The following DPP10 variants were observed in gnomAD, a reference collection of about 807,000 sequenced individuals.
DPP10 encodes the protein inactive dipeptidyl peptidase 10.
Under a neutral mutation model 120.9 loss-of-function variants are expected in DPP10, and 33 were observed. That is an observed-to-expected ratio of 0.27 (90% CI 0.21 to 0.37). DPP10 has a LOEUF of 0.37. DPP10 is among the 10% of genes least tolerant of loss of function. The pLI, the probability that DPP10 is intolerant of heterozygous loss-of-function variation, is 1.00. For missense variants in DPP10, 816 were observed against 942.8 expected (o/e 0.87, Z 1.76); for synonymous variants, 337 against 326.1 (o/e 1.03, Z -0.36).
chr2:114,981,900 CTTTTTA>C (rs1700114948), intron 1 of DPP10, among the ~76,000 whole-genome samples: 1 of 151,244 alleles, frequency 6.6e-6, no homozygotes, highest in Admixed American at 6.6e-5. Flanking sequence ...TTCCACCTTT[CTTTTTA>C]TTTTTGAGAC....
intron 1 of DPP10, among the ~76,000 whole-genome samples, chr2:114,850,188 T>C (rs1688849978): frequency 6.6e-6 from 1 of 151,862 alleles, no homozygotes; most frequent in South Asian, 2.1e-4. Context: ...GCCTGACTAG[T>C]TTTTTTGTGT....
intron 1 of DPP10, chr2:115,144,364 T>G (rs920581474): frequency 1.3e-5 from 2 of 152,126 alleles, no homozygotes; most frequent in Admixed American, 6.6e-5. Context: ...TCCTTCCCCA[T>G]GTACCTGTTA....
At chr2:114,621,911 C>T (rs1180022774) in intron 1 of DPP10, among the ~76,000 whole-genome samples, 1 of 151,678 alleles carries the variant, frequency 6.6e-6, no homozygotes, top group Non-Finnish European at 1.5e-5. Flanking sequence ...CTGGGTTGAG[C>T]GAGTGACTAG....
intron 1 of DPP10, among the ~76,000 whole-genome samples, chr2:114,975,475 A>G (rs533980613): frequency 6.6e-6 from 1 of 152,318 alleles, no homozygotes; most frequent in Non-Finnish European, 1.5e-5. Context: ...AAAAATTTGA[A>G]CTTCAACTAG....
At chr2:115,560,473 G>A (rs1229569762) in intron 5 of DPP10, among the ~76,000 whole-genome samples, 1 of 114,914 alleles carries the variant, frequency 8.7e-6, no homozygotes, top group Non-Finnish European at 1.7e-5. Flanking sequence ...TAAGGGCAAG[G>A]AGGAGACGGG....
chr2:114,629,987 G>A lies in DPP10; in HGVS notation c.60+187149G>A, dbSNP rs188818546. On this transcript the variant is annotated intron_variant, in intron 1 of 25. Coordinates refer to ENST00000410059, the MANE Select transcript of DPP10 (RefSeq NM_020868.6). Reference sequence around the variant, plus strand: ...ATCTTTAATAAATATACAGTGTTAAGTAAAAACACCATACTATAAGACCAT... The same window carrying A: ...ATCTTTAATAAATATACAGTGTTAAATAAAAACACCATACTATAAGACCAT... Among the ~76,000 whole-genome samples the A allele has an allele frequency of 2.0e-3, 302 of 152,138 alleles. 1 individual carries two copies. Among genetic ancestry groups the A allele is most frequent in the African/African-American group, 6.4e-3 (264 of 41,512 alleles).
At chr2:115,397,202 A>G (rs765808286) in intron 3 of DPP10, among the ~76,000 whole-genome samples, 7 of 152,162 alleles carry the variant, frequency 4.6e-5, no homozygotes, top group Non-Finnish European at 7.3e-5. Context: ...GAAGTAAAAG[A>G]AAAATATAAG....
intron 7 of DPP10, among the ~76,000 whole-genome samples, chr2:115,693,188 A>T (rs893489505): frequency 6.6e-6 from 1 of 152,170 alleles, no homozygotes; most frequent in East Asian, 1.9e-4. Flanking sequence ...CCATCACAGA[A>T]CTCTCTGTAA....
chr2:114,928,070 C>G (rs1695772014), intron 1 of DPP10, among the ~76,000 whole-genome samples: 3 of 152,182 alleles, frequency 2.0e-5, no homozygotes, highest in Non-Finnish European at 4.4e-5. Flanking sequence ...CCTCCAATCT[C>G]CAACTTATGA....
chr2:115,188,222 A>G (rs2054605807), intron 1 of DPP10, among the ~76,000 whole-genome samples: 1 of 152,174 alleles, frequency 6.6e-6, no homozygotes, highest in Non-Finnish European at 1.5e-5. Flanking sequence ...GTTTTATATT[A>G]TTTGTATGCT....
chr2:115,740,796 G>T (rs904028840), intron 9 of DPP10, among the ~76,000 whole-genome samples: 11 of 152,152 alleles, frequency 7.2e-5, no homozygotes, highest in African/African-American at 2.6e-4. Flanking sequence ...AAAGAAGAAG[G>T]CTCATGTGTA....
At chr2:114,586,581 G>T (rs1258147139) in intron 1 of DPP10, among the ~76,000 whole-genome samples, 1 of 152,178 alleles carries the variant, frequency 6.6e-6, no homozygotes, top group Non-Finnish European at 1.5e-5. Flanking sequence ...ACTATGTTGA[G>T]ATTAAGTTGT....
chr2:114,675,839 C>T (rs1001707676), intron 1 of DPP10, among the ~76,000 whole-genome samples: 3 of 151,410 alleles, frequency 2.0e-5, no homozygotes, highest in African/African-American at 7.3e-5. Flanking sequence ...CTTGCCCTGT[C>T]ACCCAGGCTG....
intron 1 of DPP10, among the ~76,000 whole-genome samples, chr2:115,121,137 G>A (rs2049803968): frequency 6.6e-6 from 1 of 152,146 alleles, no homozygotes; most frequent in Admixed American, 6.5e-5. Flanking sequence ...GGAGAAATAG[G>A]GCTACTAGAG....
intron 1 of DPP10, among the ~76,000 whole-genome samples, chr2:115,013,248 T>G (rs1702389951): frequency 6.6e-6 from 1 of 152,196 alleles, no homozygotes; most frequent in Admixed American, 6.5e-5. Context: ...TTTCCTTTGC[T>G]TATGAAGCTT....
At chr2:114,546,497 G>A (rs964904411) in intron 1 of DPP10, among the ~76,000 whole-genome samples, 1 of 152,186 alleles carries the variant, frequency 6.6e-6, no homozygotes, top group Non-Finnish European at 1.5e-5. Flanking sequence ...GATTTGGGCA[G>A]GGATAGATAG....
intron 1 of DPP10, among the ~76,000 whole-genome samples, chr2:114,916,773 C>T (rs747129365): frequency 1.3e-5 from 2 of 152,176 alleles, no homozygotes; most frequent in Non-Finnish European, 2.9e-5. Flanking sequence ...TTCCACATCC[C>T]TTCATGATAA....
chr2:115,499,474 T>A (rs766383071), intron 3 of DPP10, 36 bp from the exon 4 acceptor site: 23 of 1,519,954 alleles, frequency 1.5e-5, no homozygotes, highest in Non-Finnish European at 2.1e-5. Context: ...ATCTAGTCAA[T>A]GTATTTGTCA....
intron 1 of DPP10, among the ~76,000 whole-genome samples, chr2:114,523,296 T>C (rs1171158579): frequency 2.6e-5 from 4 of 152,138 alleles, no homozygotes; most frequent in Non-Finnish European, 5.9e-5. Flanking sequence ...GGCTGTTCAA[T>C]AGGGAAGGGA....
Sources: allele counts gnomAD v4.1 joint callset (sites outside exome capture counted in the v4.1 genomes callset), GRCh38; gene constraint gnomAD v4.1.1; transcripts MANE v1.5; gene names NCBI Gene and HGNC (gene_info 2026-07-23, HGNC 2026-07-21).